LEF1: variants seen among roughly 807,000 people sequenced by gnomAD.
LEF1 encodes the protein lymphoid enhancer binding factor 1, also known as lymphoid enhancer-binding factor 1.
A neutral mutation model predicts 51.2 loss-of-function variants in LEF1; 14 were observed. The ratio of observed to expected loss-of-function variants is 0.27; its 90% CI spans 0.18 to 0.43. The LOEUF is 0.43. Ranked by LOEUF, LEF1 falls within the 20% of genes least tolerant of loss-of-function variation. The pLI is 1.00. For synonymous variants in LEF1, 185 were observed against 183.2 expected (o/e 1.01, Z -0.08); for missense variants, 386 against 512.0 (o/e 0.75, Z 2.37).
chr4:108,097,194 C>T (rs1740452505), intron 3 of LEF1, among the ~76,000 whole-genome samples: 1 of 152,144 alleles, frequency 6.6e-6, no homozygotes, highest in African/African-American at 2.4e-5. Flanking sequence ...ACCTCAGTGT[C>T]CATTAATGGA....
Position 108,078,361 on chromosome 4 carries a change from T to C in LEF1, c.867A>G (p.Arg289=), listed in dbSNP as rs569064554. 3.9e-4 allele frequency: 624 copies of C among 1,614,158 alleles called. 9 individuals carry two copies. The South Asian group carries it at 6.5e-3, about 17-fold the overall frequency. ...LMHVKPQHEQ[R]KEQEPKRPHI... Reference sequence around the variant, plus strand: ...GAGGTCTTTTTGGCTCCTGCTCCTTTCTCTGTTCATGCTGAGGCTTCCTAA... The same window carrying C: ...GAGGTCTTTTTGGCTCCTGCTCCTTCCTCTGTTCATGCTGAGGCTTCCTAA... Residue 289 remains arginine, a synonymous_variant, in exon 8 of 12, where the codon AGA becomes AGG. Coordinates refer to ENST00000265165, the MANE Select transcript of LEF1 (RefSeq NM_016269.5).
intron 11 of LEF1, among the ~76,000 whole-genome samples, chr4:108,053,763 G>A (rs1264218627): frequency 2.0e-5 from 3 of 152,162 alleles, no homozygotes; most frequent in African/African-American, 4.8e-5. Context: ...TTCCTACCAC[G>A]GGAAACATGG....
chr4:108,095,537 G>A (rs770569136), intron 3 of LEF1, among the ~76,000 whole-genome samples: 6 of 152,124 alleles, frequency 3.9e-5, no homozygotes, highest in Non-Finnish European at 7.4e-5. Context: ...CCCCAACCAA[G>A]TGAATGTGGC....
intron 3 of LEF1, among the ~76,000 whole-genome samples, chr4:108,092,917 TAAAAAAAAAAAAAA>T (rs71592104): frequency 9.6e-5 from 3 of 31,154 alleles, no homozygotes; most frequent in East Asian, 6.3e-4. Context: ...AATGAATATG[TAAAAAAAAAAAAAA>T]AAAAAAAAAA....
chr4:108,147,358 G>A (rs1044843667), intron 3 of LEF1, among the ~76,000 whole-genome samples: 3 of 151,800 alleles, frequency 2.0e-5, no homozygotes, highest in African/African-American at 7.3e-5. Context: ...TAACAAATAA[G>A]AACAAAAACA....
chr4:108,162,560 GA>G (rs951465170), intron 3 of LEF1, among the ~76,000 whole-genome samples: 1 of 151,958 alleles, frequency 6.6e-6, no homozygotes, highest in Admixed American at 6.6e-5. Flanking sequence ...TCAGTTGGTA[GA>G]AACACTGGGC....
At chr4:108,160,442 T>C (rs570922162) in intron 3 of LEF1, among the ~76,000 whole-genome samples, 1 of 152,306 alleles carries the variant, frequency 6.6e-6, no homozygotes, top group Admixed American at 6.5e-5. Context: ...AGCCAAAGTT[T>C]ACTATGCCCT....
chr4:108,163,683 C>G lies in LEF1; in HGVS notation c.299G>C (p.Gly100Ala). The G allele has an allele frequency of 6.2e-7, 1 of 1,613,504 alleles. No individual in the cohort carries two copies. Among genetic ancestry groups the G allele is most frequent in the South Asian group, 1.1e-5 (1 of 90,984 alleles). ...GTAGGAGGGTCCCTTGTTGTAGAGGCCTCCATCTGGATGCTTTCCTGGGAA... is the reference window on the plus strand; with the variant it reads ...GTAGGAGGGTCCCTTGTTGTAGAGGGCTCCATCTGGATGCTTTCCTGGGAA... ...HPDDGKHPDG[G>A]LYNKGPSYSS... The change falls in exon 3 of 12, where the codon GGC becomes GCC. Residue 100 changes from glycine to alanine, a missense_variant. Physicochemically the swap from Gly to Ala is moderately conservative, Grantham distance 60. Transcript: ENST00000265165.
chr4:108,117,712 G>A lies in LEF1; in HGVS notation c.415-28455C>T, dbSNP rs538464453. On this transcript the variant is annotated intron_variant, in intron 3 of 11. Transcript: ENST00000265165. ...AGAACTGGCCAGAGAGAAGCTTTGCGGGGAGGGGGAGGAAGAGCAGGGAGG... is the reference window on the plus strand; with the variant it reads ...AGAACTGGCCAGAGAGAAGCTTTGCAGGGAGGGGGAGGAAGAGCAGGGAGG... 2.2e-3 allele frequency among the ~76,000 whole-genome samples: 338 copies of A among 152,296 alleles called. 3 individuals are homozygous for A. Among genetic ancestry groups the A allele is most frequent in the Middle Eastern group, 0.01 (3 of 294 alleles).
At chr4:108,161,612 CTG>C (rs1469705393) in intron 3 of LEF1, among the ~76,000 whole-genome samples, 2 of 152,272 alleles carry the variant, frequency 1.3e-5, no homozygotes, top group African/African-American at 2.4e-5. Flanking sequence ...GGAGAAAAGA[CTG>C]TGGAAACACA....
At chr4:108,133,607 G>A (rs59757914) in intron 3 of LEF1, among the ~76,000 whole-genome samples, 3,513 of 152,204 alleles carry the variant, frequency 0.023, 131 homozygotes, top group African/African-American at 0.08. Flanking sequence ...AACTGGACTC[G>A]AACTCCTGGG....
At chr4:108,166,109 C>T (rs922996310) in intron 1 of LEF1, among the ~76,000 whole-genome samples, 11 of 152,118 alleles carry the variant, frequency 7.2e-5, no homozygotes, top group Non-Finnish European at 1.5e-4. Flanking sequence ...GTGTGTCCTC[C>T]CTTTGACCTC....
At chr4:108,078,547 T>G in intron 7 of LEF1, 165 bp from the exon 8 acceptor site, 4 of 795,278 alleles carry the variant, frequency 5.0e-6, no homozygotes, top group Non-Finnish European at 2.1e-6. Context: ...TTGACTCATT[T>G]GACAAAACAC....
chr4:108,053,638 T>C (rs1394996305), intron 11 of LEF1, among the ~76,000 whole-genome samples: 1 of 152,246 alleles, frequency 6.6e-6, no homozygotes, highest in Non-Finnish European at 1.5e-5. Context: ...AATTTTTCTG[T>C]AGCTACTGGT....
At chr4:108,111,835 C>T (rs1192794188) in intron 3 of LEF1, among the ~76,000 whole-genome samples, 1 of 152,192 alleles carries the variant, frequency 6.6e-6, no homozygotes, top group African/African-American at 2.4e-5. Context: ...ATCACCTAAG[C>T]TTGGGAGCTC....
chr4:108,106,877 C>G (rs1418994053), intron 3 of LEF1, among the ~76,000 whole-genome samples: 2 of 152,216 alleles, frequency 1.3e-5, no homozygotes, highest in African/African-American at 4.8e-5. Flanking sequence ...TTTTCTACTT[C>G]TGTGAGTGCA....
chr4:108,129,998 C>G (rs1742771974), intron 3 of LEF1, among the ~76,000 whole-genome samples: 1 of 152,144 alleles, frequency 6.6e-6, no homozygotes, highest in African/African-American at 2.4e-5. Flanking sequence ...ATACTATTTA[C>G]AGGGTGAATG....
chr4:108,149,513 A>T (rs1428619389), intron 3 of LEF1, among the ~76,000 whole-genome samples: 1 of 149,654 alleles, frequency 6.7e-6, no homozygotes, highest in Non-Finnish European at 1.5e-5. Flanking sequence ...GTTTCATTGT[A>T]GTGGTATTTA....
rs994081869 is a variant in LEF1 at position 108,054,046 on chromosome 4, C to A, written c.*7-5295G>T. Among the ~76,000 whole-genome samples, 32 of 152,148 alleles carry A rather than the reference C, an allele frequency of 2.1e-4. 1 individual carries two copies. The highest frequency in any genetic ancestry group is 4.4e-5 in the Non-Finnish European group (3 of 68,038). ...CAAACCAAGCCCTTCCACAGTTATG[C>A]CAGCATTTGTGTGTGCACCTGTGCA... On this transcript the variant is annotated intron_variant, in intron 11 of 11. Coordinates refer to ENST00000265165, the MANE Select transcript of LEF1 (RefSeq NM_016269.5).
Sources: gnomAD v4.1 joint callset for allele counts (sites outside exome capture counted in the v4.1 genomes callset) on GRCh38, gnomAD v4.1.1 for gene constraint, MANE v1.5 for transcripts, NCBI Gene and HGNC (gene_info 2026-07-23, HGNC 2026-07-21) for gene names.